The following FLT3 variants were observed in gnomAD, a reference collection of about 807,000 sequenced individuals.
FLT3 encodes receptor-type tyrosine-protein kinase FLT3.
Under a neutral mutation model 126.6 loss-of-function variants are expected in FLT3, and 46 were observed. That is an observed-to-expected ratio of 0.36 (90% confidence interval 0.29 to 0.46). The LOEUF (loss-of-function observed/expected upper bound fraction) is 0.46, where lower values mean the gene tolerates loss of function less well. Ranked by LOEUF, FLT3 falls within the 20% of genes least tolerant of loss-of-function variation. The pLI, the probability that FLT3 is intolerant of heterozygous loss-of-function variation, is 1.00. For missense variants in FLT3, 1,069 were observed against 1,190.3 expected, an observed-to-expected ratio of 0.90 and a Z score of 1.50; for synonymous variants, 404 against 434.4, an observed-to-expected ratio of 0.93 and a Z score of 0.87.
At position 28,046,935 on chromosome 13, in the gene FLT3, T is replaced by G. The variant is rs1470228617; in HGVS notation, c.1205+1340A>C. ...TAATAATATATTTTACATTCTTTTT[T>G]TCATACTAAGTCTTCAAAATCTAGT... On this transcript the variant is annotated intron_variant, in intron 9 of 23. Coordinates refer to ENST00000241453, the MANE Select transcript of FLT3 (RefSeq NM_004119.3). Among the ~76,000 whole-genome samples, 3 of 152,134 alleles carry G rather than the reference T, an allele frequency of 2.0e-5. No individual in the cohort carries two copies. The East Asian group carries it at 5.8e-4, about 29-fold the overall frequency.
intron 1 of FLT3, among the ~76,000 whole-genome samples, chr13:28,081,418 A>G (rs1878297876): frequency 1.3e-5 from 2 of 152,194 alleles, no homozygotes; most frequent in Admixed American, 1.3e-4. Flanking sequence ...TTGCTAGGAC[A>G]TAGAAAGATA....
At chr13:28,012,619 C>G (rs907718424) in intron 23 of FLT3, among the ~76,000 whole-genome samples, 1 of 152,134 alleles carries the variant, frequency 6.6e-6, no homozygotes, top group African/African-American at 2.4e-5. Flanking sequence ...CCACACCCAA[C>G]TATGCAATGA....
intron 3 of FLT3, among the ~76,000 whole-genome samples, chr13:28,060,385 G>A (rs2137763870): frequency 7.2e-6 from 1 of 139,380 alleles, no homozygotes; most frequent in African/African-American, 2.7e-5. Flanking sequence ...TCGTGCCACT[G>A]CACTCCATCC....
At chr13:28,013,193 C>T (rs1871547038) in intron 23 of FLT3, among the ~76,000 whole-genome samples, 1 of 152,158 alleles carries the variant, frequency 6.6e-6, no homozygotes, top group Admixed American at 6.6e-5. Flanking sequence ...GGAAAGTACA[C>T]ACTATCTACC....
At chr13:28,080,212 C>T (rs543321014) in intron 1 of FLT3, among the ~76,000 whole-genome samples, 84 of 152,270 alleles carry the variant, frequency 5.5e-4, no homozygotes, top group African/African-American at 2.0e-3. Flanking sequence ...CCCGTCTCTA[C>T]TAAAAATACA....
intron 1 of FLT3, among the ~76,000 whole-genome samples, chr13:28,099,882 C>T (rs1178516729): frequency 6.6e-6 from 1 of 152,194 alleles, no homozygotes; most frequent in African/African-American, 2.4e-5. Flanking sequence ...CATAATATTT[C>T]CTAGGTAAAC....
At chr13:28,064,238 T>C (rs192102110) in intron 2 of FLT3, among the ~76,000 whole-genome samples, 1 of 152,010 alleles carries the variant, frequency 6.6e-6, no homozygotes, top group African/African-American at 2.4e-5. Context: ...AGTAGACAAC[T>C]GGGAAAAAGA....
rs1458695025 is a variant in FLT3, at chr13:28,057,365, A to G, written c.466T>C (p.Phe156Leu). The change falls in exon 4 of 24, where the codon TTT becomes CTT. Residue 156 changes from phenylalanine (F) to leucine (L), a missense_variant. Coordinates refer to ENST00000241453, the MANE Select transcript of FLT3 (RefSeq NM_004119.3). ...GACTTACTTCTTATACTCACTGTAA[A>G]CAATATTGTGTAATTGGTAGCTTCA... ...QSEATNYTIL[F>L]TVSIRNTLLY... The G allele has an allele frequency of 2.1e-6, 3 of 1,448,340 alleles. No individual in the cohort carries two copies. The South Asian group carries it at 3.4e-5, about 17-fold the overall frequency. The allele number at this position is 1,448,340 out of a possible 1,614,324, so 89.7% of individuals were successfully genotyped here. A position where few individuals can be genotyped will look rare whatever the true frequency, so the allele number is the denominator to read the frequency against.
Position 28,053,859 on chromosome 13 carries a change from G to A in FLT3, c.485-1185C>T, listed in dbSNP as rs569757466. Reference sequence around the variant, plus strand: ...GTAGACATTTGGGTTGTTTCCTTCCGTGTGTGTGTGTGAGACAGGGTCTCT... The same window carrying A: ...GTAGACATTTGGGTTGTTTCCTTCCATGTGTGTGTGTGAGACAGGGTCTCT... On this transcript the variant is annotated intron_variant, in intron 4 of 23. Transcript: ENST00000241453. 6.7e-5 allele frequency among the ~76,000 whole-genome samples: 10 copies of A among 148,784 alleles called. No individual in the cohort carries two copies. In the East Asian group the frequency reaches 7.8e-4, roughly 12 times the overall value.
chr13:28,051,756 C>T (rs1875498038), intron 5 of FLT3, among the ~76,000 whole-genome samples: 1 of 151,068 alleles, frequency 6.6e-6, no homozygotes, highest in East Asian at 2.0e-4. Flanking sequence ...CCATGTTAGC[C>T]AGGATGATCT....
chr13:28,075,998 T>C (rs987895954), intron 1 of FLT3, among the ~76,000 whole-genome samples: 3 of 152,054 alleles, frequency 2.0e-5, no homozygotes, highest in East Asian at 3.9e-4. Context: ...GGGTCCCCCA[T>C]GTTGGCCAGG....
intron 1 of FLT3, among the ~76,000 whole-genome samples, chr13:28,076,136 T>C (rs1450151742): frequency 6.6e-6 from 1 of 152,180 alleles, no homozygotes; most frequent in Non-Finnish European, 1.5e-5. Flanking sequence ...ATTTTTAAAA[T>C]ATGAGCATTT....
At chr13:28,028,957 T>A (rs1213565056) in intron 15 of FLT3, among the ~76,000 whole-genome samples, 2 of 147,004 alleles carry the variant, frequency 1.4e-5, no homozygotes, top group Non-Finnish European at 3.0e-5. Flanking sequence ...AATTTTTATA[T>A]TTTTTGTAGA....
intron 18 of FLT3, among the ~76,000 whole-genome samples, chr13:28,023,813 GAGA>G (rs1013458671): frequency 2.9e-5 from 4 of 137,544 alleles, no homozygotes; most frequent in South Asian, 2.3e-4. Context: ...TTTTTTTTTT[GAGA>G]AGGAGTCTCG....
At chr13:28,026,535 C>A (rs988886109) in intron 17 of FLT3, among the ~76,000 whole-genome samples, 4 of 152,002 alleles carry the variant, frequency 2.6e-5, no homozygotes, top group African/African-American at 7.3e-5. Context: ...CCCGCTAAAG[C>A]AATAAATCCC....
intron 19 of FLT3, 54 bp downstream of exon 19, chr13:28,023,296 G>A (rs1296141750): frequency 6.5e-7 from 1 of 1,541,194 alleles, no homozygotes; most frequent in East Asian, 2.2e-5. Flanking sequence ...ACATATATAA[G>A]CACATCTTTT....
At chr13:28,076,392 G>A (rs988799794) in intron 1 of FLT3, among the ~76,000 whole-genome samples, 3 of 152,110 alleles carry the variant, frequency 2.0e-5, no homozygotes, top group Admixed American at 2.0e-4. Context: ...TGATTACAAA[G>A]GCGAAGTTCC....
intron 21 of FLT3, 63 bp downstream of exon 21, chr13:28,015,527 G>GGGGGGGGGGGGCCC: frequency 1.6e-6 from 1 of 644,472 alleles, no homozygotes; most frequent in Non-Finnish European, 2.8e-6. Context: ...GGGTGGGGCG[G>GGGGGGGGGGGGCCC]CACCGAGAGA....
chr13:28,042,304 TA>T (rs2137703956), intron 9 of FLT3, among the ~76,000 whole-genome samples: 1 of 151,788 alleles, frequency 6.6e-6, no homozygotes, highest in Admixed American at 6.6e-5. Context: ...ATTACAGCAA[TA>T]AGGTAGATAT....
Sources: allele counts gnomAD v4.1 joint callset (sites outside exome capture counted in the v4.1 genomes callset), GRCh38; gene constraint gnomAD v4.1.1; transcripts MANE v1.5; gene names NCBI Gene and HGNC (gene_info 2026-07-23, HGNC 2026-07-21).